The following NSD3 variants were observed in gnomAD, a reference collection of about 807,000 sequenced individuals.
NSD3 encodes nuclear receptor binding SET domain protein 3.
In NSD3, 24 loss-of-function variants were observed where a neutral mutation model predicts 160.8. The ratio of observed to expected loss-of-function variants is 0.15; its 90% confidence interval spans 0.11 to 0.21. NSD3 has a LOEUF of 0.21. NSD3 is among the 10% of genes least tolerant of loss of function. The pLI is 1.00. For missense variants in NSD3, 1,157 were observed against 1,735.9 expected (o/e 0.67, Z 5.93); for synonymous variants, 520 against 600.0 (o/e 0.87, Z 1.95).
chr8:38,342,050 T>C lies in NSD3; in HGVS notation c.676-3443A>G, dbSNP rs543796698. Among the ~76,000 whole-genome samples, 81 of 152,362 alleles carry C rather than the reference T, an allele frequency of 5.3e-4. No homozygotes were observed. The Middle Eastern group carries it at 0.024, about 45-fold the overall frequency. On this transcript the variant is annotated intron_variant, in intron 2 of 23. Coordinates refer to ENST00000317025, the MANE Select transcript of NSD3 (RefSeq NM_023034.2). ...CAGATTGTTGGTGTTTCCTTCAGGC[T>C]GGTTTGAAACACCATCAAAATCACT... is the stretch of plus-strand genomic sequence containing the variant.
intron 19 of NSD3, among the ~76,000 whole-genome samples, chr8:38,286,059 G>A (rs909807574): frequency 4.6e-5 from 7 of 152,110 alleles, no homozygotes; most frequent in South Asian, 4.1e-4. Flanking sequence ...CCATTTTGTC[G>A]CCTCCTCCCC....
intron 12 of NSD3, among the ~76,000 whole-genome samples, chr8:38,306,606 T>C (rs1320731419): frequency 2.6e-5 from 4 of 152,070 alleles, no homozygotes; most frequent in Non-Finnish European, 4.4e-5. Flanking sequence ...ACAGTTTACA[T>C]ATGGAGAAAA....
intron 12 of NSD3, among the ~76,000 whole-genome samples, chr8:38,313,543 A>G (rs1809584058): frequency 6.6e-6 from 1 of 152,042 alleles, no homozygotes; most frequent in Non-Finnish European, 1.5e-5. Flanking sequence ...AAAAAAAATT[A>G]CTTGGGAGGC....
chr8:38,373,130 C>A lies in NSD3; in HGVS notation c.-45+8669G>T, dbSNP rs1167863049. Among the ~76,000 whole-genome samples, 9 of 152,082 alleles carry A rather than the reference C, an allele frequency of 5.9e-5. No individual in the cohort carries two copies. In the South Asian group the frequency reaches 1.7e-3, roughly 28 times the overall value. On this transcript the variant is annotated intron_variant, in intron 1 of 23. Transcript: ENST00000317025. ...ATACATTTTTGTCCCTAAAGTCCAA[C>A]TACCACCAAAGCAATACCAGCTAAA...
At chr8:38,276,707 G>A (rs948151295) in intron 22 of NSD3, 2 of 583,706 alleles carry the variant, frequency 3.4e-6, no homozygotes, top group East Asian at 3.1e-5. Flanking sequence ...TTTTTGAGAT[G>A]GAGTTCTCGC....
At chr8:38,327,363 A>AT (rs1554525612) in intron 6 of NSD3, among the ~76,000 whole-genome samples, 2 of 150,054 alleles carry the variant, frequency 1.3e-5, no homozygotes, top group Non-Finnish European at 3.0e-5. Context: ...GCCAAAAAAA[A>AT]TTTTTTTTTA....
intron 22 of NSD3, chr8:38,276,806 T>C: frequency 2.7e-6 from 1 of 373,480 alleles, no homozygotes; most frequent in Non-Finnish European, 4.9e-6. Flanking sequence ...TGTCTCAGCC[T>C]CCCAAGTAGC....
At chr8:38,301,607 A>G (rs1355884922) in intron 14 of NSD3, among the ~76,000 whole-genome samples, 2 of 152,246 alleles carry the variant, frequency 1.3e-5, no homozygotes, top group African/African-American at 2.4e-5. Flanking sequence ...TAATGTTGAA[A>G]TGAACTTTGT....
In NSD3 at chr8:38,329,241, G is replaced by T; in HGVS notation, c.1581+137C>A. 9.3e-7 allele frequency: 1 copy of T among 1,072,652 alleles called. No individual in the cohort carries two copies. Among genetic ancestry groups the T allele is most frequent in the Non-Finnish European group, 1.3e-6 (1 of 759,282 alleles). The allele number at this position is 1,072,652 out of a possible 1,614,324, so 66.4% of individuals were successfully genotyped here. ...TTTTTGCCTGTCTTTTTTGCCCACA[G>T]AGTACAATGACTGTATGTTTCAAAT... On this transcript the variant is annotated intron_variant, in intron 6 of 23. Transcript: ENST00000317025. This position sits in a 1 kb window ranked among gnomAD's most constrained non-coding sequence, Gnocchi z 4.8.
intron 2 of NSD3, among the ~76,000 whole-genome samples, chr8:38,339,465 G>A (rs983867506): frequency 3.9e-5 from 6 of 152,150 alleles, no homozygotes; most frequent in African/African-American, 7.2e-5. Flanking sequence ...GGCGGCTCAC[G>A]CCTGTAATCC....
intron 12 of NSD3, 148 bp from the exon 13 acceptor site, chr8:38,305,593 T>C: frequency 1.4e-6 from 1 of 693,216 alleles, no homozygotes; most frequent in Non-Finnish European, 2.3e-6. Flanking sequence ...TTAAAATAAA[T>C]GCTAAATTAA....
intron 2 of NSD3, among the ~76,000 whole-genome samples, chr8:38,340,308 A>C (rs1810330802): frequency 1.3e-5 from 2 of 152,182 alleles, no homozygotes; most frequent in African/African-American, 4.8e-5. Context: ...GTGAAAACAA[A>C]GTTTTATTAA....
chr8:38,286,718 C>T (rs563913786), intron 19 of NSD3, among the ~76,000 whole-genome samples: 5 of 152,268 alleles, frequency 3.3e-5, no homozygotes, highest in South Asian at 4.1e-4. Context: ...ACCTTCTCAC[C>T]GCAGCTCCTC....
At chr8:38,365,999 C>G (rs149895837) in intron 1 of NSD3, among the ~76,000 whole-genome samples, 1 of 151,152 alleles carries the variant, frequency 6.6e-6, no homozygotes, top group African/African-American at 2.4e-5. Context: ...TGAAATGGAA[C>G]TCTCGGGAGG....
chr8:38,322,036 C>A (rs1453605743), intron 7 of NSD3, among the ~76,000 whole-genome samples: 1 of 152,104 alleles, frequency 6.6e-6, no homozygotes, highest in Non-Finnish European at 1.5e-5. Flanking sequence ...GTTTTCAGTG[C>A]CTGGACCACC....
At chr8:38,296,674 CTGTGTG>C (rs57485296) in intron 15 of NSD3, among the ~76,000 whole-genome samples, 24,441 of 142,144 alleles carry the variant, frequency 0.17, 2,088 homozygotes, top group Non-Finnish European at 0.21. Flanking sequence ...CTCTCTCCCT[CTGTGTG>C]TGTGTGTGTG....
chr8:38,347,401 G>T (rs1810562375), intron 2 of NSD3, 96 bp downstream of exon 2: 51 of 1,309,544 alleles, frequency 3.9e-5, no homozygotes, highest in Non-Finnish European at 4.6e-5. Context: ...TTATCAGACA[G>T]ATTCATATTT....
At chr8:38,298,975 T>C (rs2131003965) in intron 15 of NSD3, among the ~76,000 whole-genome samples, 1 of 152,336 alleles carries the variant, frequency 6.6e-6, no homozygotes, top group Non-Finnish European at 1.5e-5. Context: ...AGAAGCCCAA[T>C]GACAGAACAT....
At chr8:38,299,734 C>T in intron 14 of NSD3, 144 bp from the exon 15 acceptor site, 1 of 772,574 alleles carries the variant, frequency 1.3e-6, no homozygotes, top group Non-Finnish European at 1.8e-6. Context: ...AAAGAAAGAT[C>T]TGACAGAAAG....
Sources: allele counts gnomAD v4.1 joint callset (sites outside exome capture counted in the v4.1 genomes callset), GRCh38; gene constraint gnomAD v4.1.1; non-coding constraint Gnocchi (gnomAD v3.1); transcripts MANE v1.5; gene names NCBI Gene and HGNC (gene_info 2026-07-23, HGNC 2026-07-21).